ZNF75A: variants seen among roughly 807,000 people sequenced by gnomAD.
ZNF75A encodes zinc finger protein 75A.
Under a neutral mutation model 46.3 loss-of-function variants are expected in ZNF75A, and 36 were observed. The observed-to-expected ratio is 0.78, with a 90% CI of 0.60 to 1.03. The LOEUF (loss-of-function observed/expected upper bound fraction) is 1.03. Ranked by LOEUF, ZNF75A falls within the 50% of genes least tolerant of loss-of-function variation. ZNF75A has a pLI of 0.00. For synonymous variants in ZNF75A, 234 were observed against 189.9 expected (o/e 1.23, Z -1.91); for missense variants, 595 against 551.3 (o/e 1.08, Z -0.79).
chr16:3,309,563 C>G (rs1960571085), intron 2 of ZNF75A: 1 of 152,096 alleles, frequency 6.6e-6, no homozygotes, highest in African/African-American at 2.4e-5. Context: ...TGAGCCCAGC[C>G]TGGGCAACAT....
chr16:3,318,131 G>A lies in ZNF75A; in HGVS notation c.*262G>A. 2 of 1,202,912 alleles carry A rather than the reference G, an allele frequency of 1.7e-6. No homozygotes were observed. The highest frequency in any genetic ancestry group is 2.1e-6 in the Non-Finnish European group (2 of 969,018). 74.5% of individuals were successfully genotyped at this position (1,202,912 alleles called of 1,614,324 possible). A position where few individuals can be genotyped will look rare whatever the true frequency, so the allele number is the denominator to read the frequency against. ...ATCCAATAGAAACATTGGCAGCATG[G>A]TCTTCCAAAACAAAAAGCAGTAACA... On this transcript the variant is annotated 3_prime_UTR_variant, in exon 7 of 7. Coordinates refer to ENST00000669516, the MANE Select transcript of ZNF75A (RefSeq NM_001302109.2).
At chr16:3,311,629 T>G (rs919649327) in intron 2 of ZNF75A, 124 bp from the exon 3 acceptor site, 1 of 317,272 alleles carries the variant, frequency 3.2e-6, no homozygotes, top group Non-Finnish European at 4.6e-6. Flanking sequence ...CTTTAAGCCT[T>G]TTTTTGTCAT....
At chr16:3,307,638 C>G (rs935563088) in intron 1 of ZNF75A, 2 of 151,256 alleles carry the variant, frequency 1.3e-5, no homozygotes, top group African/African-American at 4.9e-5. Context: ...CCACCTCAGC[C>G]TCCTGAGCTA....
chr16:3,316,828 T>C, intron 5 of ZNF75A, 84 bp from the exon 6 acceptor site: 1 of 885,464 alleles, frequency 1.1e-6, no homozygotes, highest in East Asian at 2.4e-5. Flanking sequence ...AAAATGTCTT[T>C]GGTCATCCTG....
Position 3,308,391 on chromosome 16 carries a change from G to A in ZNF75A, c.-38G>A. The A allele has an allele frequency of 2.0e-6, 2 of 984,224 alleles. No individual in the cohort carries two copies. Among genetic ancestry groups the A allele is most frequent in the Non-Finnish European group, 2.4e-6 (2 of 828,530 alleles). The allele number at this position is 984,224 out of a possible 1,614,324, so 61.0% of individuals were successfully genotyped here. ...TCATTTGTTAAACGTGGTACCAATT[G>A]GGTGTCTTAACACAGGAGCAGAACT... is the stretch of plus-strand genomic sequence containing the variant. On this transcript the variant is annotated 5_prime_UTR_variant, in exon 2 of 7. Coordinates refer to ENST00000669516, the MANE Select transcript of ZNF75A (RefSeq NM_001302109.2).
chr16:3,307,321 A>G (rs1960357952), intron 1 of ZNF75A: 1 of 152,212 alleles, frequency 6.6e-6, no homozygotes, highest in Non-Finnish European at 1.5e-5. Context: ...AAATTAAGGT[A>G]TCATAGCTAT....
downstream of ZNF75A, chr16:3,318,884 A>G (rs546123115): frequency 5.6e-5 from 54 of 967,034 alleles, 1 homozygote; most frequent in South Asian, 2.5e-3. Flanking sequence ...GCAAATCTAC[A>G]TCCATGTTGT....
At chr16:3,310,785 A>G in intron 2 of ZNF75A, 8 of 985,502 alleles carry the variant, frequency 8.1e-6, no homozygotes, top group Non-Finnish European at 9.6e-6. Context: ...CCTATAGTAG[A>G]TGAAAGTCTC....
downstream of ZNF75A, among the ~76,000 whole-genome samples, chr16:3,321,650 G>T (rs1383289216): frequency 2.0e-5 from 3 of 151,984 alleles, no homozygotes; most frequent in East Asian, 5.8e-4. Context: ...TTTACTTTTA[G>T]TAGAGATGAG....
intron 2 of ZNF75A, chr16:3,309,461 A>C (rs1465485537): frequency 2.7e-5 from 4 of 147,662 alleles, no homozygotes; most frequent in Non-Finnish European, 4.4e-5. Flanking sequence ...CAAAAAAAAA[A>C]AAAACAAAAA....
chr16:3,320,407 C>A (rs1161198276), downstream of ZNF75A, among the ~76,000 whole-genome samples: 1 of 152,216 alleles, frequency 6.6e-6, no homozygotes, highest in Non-Finnish European at 1.5e-5. Flanking sequence ...TTTGCTGGAG[C>A]TCTGGACCTT....
intron 1 of ZNF75A, chr16:3,306,141 T>A (rs1461975667): frequency 6.6e-6 from 1 of 152,114 alleles, no homozygotes; most frequent in East Asian, 1.9e-4. Context: ...TGGGCAGAAT[T>A]TCGGTGCCGT....
chr16:3,310,143 C>G (rs1016369949), intron 2 of ZNF75A, among the ~76,000 whole-genome samples: 1 of 152,026 alleles, frequency 6.6e-6, no homozygotes, highest in Non-Finnish European at 1.5e-5. Flanking sequence ...CATCTGTGAT[C>G]TCAGCACTTT....
At chr16:3,322,607 A>G (rs889188805), downstream of ZNF75A, among the ~76,000 whole-genome samples, 5 of 152,238 alleles carry the variant, frequency 3.3e-5, no homozygotes, top group African/African-American at 1.2e-4. Flanking sequence ...TTTCTGCCAC[A>G]GTTCAGATAA....
In ZNF75A at chr16:3,318,092, T is replaced by G; in HGVS notation, c.*223T>G. 1 of 1,309,820 alleles carries G rather than the reference T, an allele frequency of 7.6e-7. No individual in the cohort carries two copies. The highest frequency in any genetic ancestry group is 2.3e-5 in the South Asian group (1 of 42,766). 81.1% of individuals were successfully genotyped at this position (1,309,820 alleles called of 1,614,324 possible). A position where few individuals can be genotyped will look rare whatever the true frequency, so the allele number is the denominator to read the frequency against. On this transcript the variant is annotated 3_prime_UTR_variant, in exon 7 of 7. Coordinates refer to ENST00000669516, the MANE Select transcript of ZNF75A (RefSeq NM_001302109.2). Reference sequence around the variant, plus strand: ...GTTGGCTTTGTATTGATCTCTCCAGTCATTTTTGAACACATCCAATAGAAA... The same window carrying G: ...GTTGGCTTTGTATTGATCTCTCCAGGCATTTTTGAACACATCCAATAGAAA...
downstream of ZNF75A, chr16:3,322,945 C>T (rs1033984128): frequency 1.4e-5 from 14 of 985,042 alleles, no homozygotes; most frequent in African/African-American, 2.3e-4. Context: ...AGGACTACTT[C>T]CGCCGACAAG....
chr16:3,323,325 T>A, downstream of ZNF75A: 1 of 1,100,706 alleles, frequency 9.1e-7, no homozygotes, highest in Non-Finnish European at 1.4e-6. Flanking sequence ...CCATGAGATC[T>A]CCTGGAAATG....
At chr16:3,316,672 C>CTA in intron 5 of ZNF75A, 1 of 324,464 alleles carries the variant, frequency 3.1e-6, no homozygotes. Context: ...GTACTGGATT[C>CTA]CCATTCCCTA....
At position 3,311,804 on chromosome 16, in the gene ZNF75A, G is replaced by C. The variant is rs1960821628; in HGVS notation, c.460G>C (p.Glu154Gln). The stretch of plus-strand genomic sequence containing the variant: ...GGCAGTGCTCTTGGGAGAAACAGCA[G>C]AGGCCTCAAGTTTCGGGCTGAAGCC... ...KEAVLLGETAEASSFGLKPTE... is the reference protein window; with the variant it reads ...KEAVLLGETAQASSFGLKPTE... Residue 154 changes from glutamate to glutamine, a missense_variant, in exon 3 of 7, where the codon GAG (glutamate) becomes CAG (glutamine). Transcript: ENST00000669516. The C allele has an allele frequency of 9.5e-7, 1 of 1,050,004 alleles. No homozygotes were observed. Among genetic ancestry groups the C allele is most frequent in the African/African-American group, 1.7e-5 (1 of 59,240 alleles). The allele number at this position is 1,050,004 out of a possible 1,614,324, so 65.0% of individuals were successfully genotyped here. A position where few individuals can be genotyped will look rare whatever the true frequency, so the allele number is the denominator to read the frequency against.
Sources: gnomAD v4.1 joint callset for allele counts (sites outside exome capture counted in the v4.1 genomes callset) on GRCh38, gnomAD v4.1.1 for gene constraint, MANE v1.5 for transcripts, NCBI Gene and HGNC (gene_info 2026-07-23, HGNC 2026-07-21) for gene names.